Variants in LANCL3 observed in about 807,000 individuals in gnomAD.
LANCL3 encodes the protein LanC like family member 3, also known as lanC-like protein 3.
A neutral mutation model predicts 26.5 loss-of-function variants in LANCL3; 19 were observed. That is an observed-to-expected ratio of 0.72 (90% CI 0.50 to 1.05). LANCL3 has a LOEUF of 1.05. Among genes scored for constraint, LANCL3 ranks in the 50% least tolerant of loss-of-function variants. The probability of loss-of-function intolerance (pLI) is 0.00; values close to 1 mark genes in which losing one functional copy is unlikely to be tolerated. For missense variants in LANCL3, 318 were observed against 362.7 expected (o/e 0.88, Z 1.00); for synonymous variants, 160 against 166.6 (o/e 0.96, Z 0.30).
chrX:37,645,371 G>A (rs1265975801), intron 1 of LANCL3, among the ~76,000 whole-genome samples: 1 of 111,684 alleles, frequency 9.0e-6, no homozygotes, highest in Non-Finnish European at 1.9e-5. Context: ...GCATAATAAT[G>A]ATCAGGGAGC....
At chrX:37,660,898 T>C (rs1418729052) in intron 3 of LANCL3, among the ~76,000 whole-genome samples, 1 of 111,000 alleles carries the variant, frequency 9.0e-6, no homozygotes, top group African/African-American at 3.3e-5. Context: ...GGAAGGAAGT[T>C]CAAAATGTGT....
At chrX:37,633,908 TC>T (rs2086682675) in intron 1 of LANCL3, among the ~76,000 whole-genome samples, 1 of 112,138 alleles carries the variant, frequency 8.9e-6, no homozygotes, top group South Asian at 3.7e-4. Flanking sequence ...GGAGGCAGTC[TC>T]CCCATTCTCA....
intron 1 of LANCL3, among the ~76,000 whole-genome samples, chrX:37,587,881 C>T (rs1308640211): frequency 8.9e-6 from 1 of 112,278 alleles, no homozygotes; most frequent in African/African-American, 3.2e-5. Flanking sequence ...CCATCTTCTG[C>T]ATCTCTCACG....
In LANCL3 at chrX:37,634,538, C is replaced by T. The variant is rs181683533; in HGVS notation, c.574-21150C>T. ...GAAATCACCCATCTTCTGCGTCGCT[C>T]GCGCTGGGAGCTGTAGACCGGAGCT... On this transcript the variant is annotated intron_variant, in intron 1 of 4. Transcript: ENST00000378619. Among the ~76,000 whole-genome samples, 138 of 112,662 alleles carry T rather than the reference C, an allele frequency of 1.2e-3. 2 individuals carry two copies. The highest frequency in any genetic ancestry group is 4.0e-3 in the African/African-American group (124 of 31,017).
rs200339942 is a variant in LANCL3 at position 37,661,340 on chromosome X, C to A, written c.895+1681C>A. 4.5e-5 allele frequency among the ~76,000 whole-genome samples: 5 copies of A among 111,708 alleles called. No homozygotes were observed. In the East Asian group the frequency reaches 1.4e-3, roughly 31 times the overall value. Reference sequence around the variant, plus strand: ...ACCATCTGTCTTTGTAAATCATTTACCGTAACAGTGCAGCATAGGATTCAT... The same window carrying A: ...ACCATCTGTCTTTGTAAATCATTTAACGTAACAGTGCAGCATAGGATTCAT... On this transcript the variant is annotated intron_variant, in intron 3 of 4. Coordinates refer to ENST00000378619, the MANE Select transcript of LANCL3 (RefSeq NM_001170331.2).
intron 1 of LANCL3, among the ~76,000 whole-genome samples, chrX:37,624,165 G>T (rs1925246690): frequency 9.0e-6 from 1 of 111,484 alleles, no homozygotes; most frequent in Non-Finnish European, 1.9e-5. Context: ...TTCCAAAGAG[G>T]TAGCGCCTGT....
chrX:37,633,812 G>A (rs1925614513), intron 1 of LANCL3, among the ~76,000 whole-genome samples: 1 of 111,403 alleles, frequency 9.0e-6, no homozygotes. Flanking sequence ...AGGCGTACCC[G>A]GCCATGTGAG....
At chrX:37,582,886 T>A (rs1205472564) in intron 1 of LANCL3, among the ~76,000 whole-genome samples, 9 of 112,233 alleles carry the variant, frequency 8.0e-5, no homozygotes, top group African/African-American at 2.9e-4. Context: ...CATGAAGTCC[T>A]TGCCCATGCC....
rs1471833855 is a variant in LANCL3 at position 37,676,970 on chromosome X, A to C, written c.*1157A>C. On this transcript the variant is annotated 3_prime_UTR_variant, in exon 5 of 5. Coordinates refer to ENST00000378619, the MANE Select transcript of LANCL3 (RefSeq NM_001170331.2). ...GAAGTTGTGAAACTGCTTCAAGTAA[A>C]TAGTGGTTTGCAGAACACTGTAGGA... is the stretch of plus-strand genomic sequence containing the variant. 2 of 111,946 alleles carry C rather than the reference A, an allele frequency of 1.8e-5. No individual in the cohort carries two copies. Among genetic ancestry groups the C allele is most frequent in the Non-Finnish European group, 3.8e-5 (2 of 53,142 alleles). 9.2% of individuals were successfully genotyped at this position (111,946 alleles called of 1,213,427 possible). A position where few individuals can be genotyped will look rare whatever the true frequency, so the allele number is the denominator to read the frequency against.
At chrX:37,672,000 C>T (rs1556436292) in intron 4 of LANCL3, among the ~76,000 whole-genome samples, 1 of 111,293 alleles carries the variant, frequency 9.0e-6, no homozygotes, top group East Asian at 2.8e-4. Flanking sequence ...TGGGATTTCA[C>T]CTTTGGGCTA....
chrX:37,602,037 G>A (rs1294996444), intron 1 of LANCL3, among the ~76,000 whole-genome samples: 1 of 111,797 alleles, frequency 8.9e-6, no homozygotes, highest in South Asian at 3.7e-4. Flanking sequence ...AGAATGCAAT[G>A]ATCATTTCTA....
intron 1 of LANCL3, among the ~76,000 whole-genome samples, chrX:37,636,685 G>A (rs1925715468): frequency 9.0e-6 from 1 of 111,531 alleles, no homozygotes; most frequent in African/African-American, 3.3e-5. Flanking sequence ...TGTCCCTCAT[G>A]ATGTGGAGTG....
chrX:37,579,471 C>G (rs782518061), intron 1 of LANCL3, among the ~76,000 whole-genome samples: 5 of 111,345 alleles, frequency 4.5e-5, no homozygotes, highest in Non-Finnish European at 9.4e-5. Flanking sequence ...AGTAGATATG[C>G]TGGAAAAAGG....
In LANCL3 at chrX:37,572,457, C is replaced by T. The variant is rs782372217; in HGVS notation, c.573+14C>T. On this transcript the variant is annotated intron_variant, in intron 1 of 4. Coordinates refer to ENST00000378619, the MANE Select transcript of LANCL3 (RefSeq NM_001170331.2). ...CTCGCCCAGGAGGTAAGAGGTAGCCCGGGCCGCGGGAGGGCGCTCGCCGCC... is the reference window on the plus strand; with the variant it reads ...CTCGCCCAGGAGGTAAGAGGTAGCCTGGGCCGCGGGAGGGCGCTCGCCGCC... 29 of 1,158,930 alleles carry T rather than the reference C, an allele frequency of 2.5e-5. No homozygotes were observed. In the South Asian group the frequency reaches 4.8e-4, roughly 19 times the overall value.
At chrX:37,663,770 T>G (rs782384616) in intron 3 of LANCL3, among the ~76,000 whole-genome samples, 41 of 111,291 alleles carry the variant, frequency 3.7e-4, no homozygotes, top group Non-Finnish European at 7.6e-4. Context: ...CCCACCCACC[T>G]TCCTTTGATT....
At chrX:37,630,212 A>T (rs1481357496) in intron 1 of LANCL3, among the ~76,000 whole-genome samples, 1 of 111,050 alleles carries the variant, frequency 9.0e-6, no homozygotes, top group Admixed American at 9.6e-5. Context: ...CTTTGAAGCA[A>T]TTGTGAATGG....
intron 1 of LANCL3, among the ~76,000 whole-genome samples, chrX:37,632,493 A>T (rs1556424580): frequency 1.8e-5 from 2 of 110,727 alleles, no homozygotes; most frequent in Non-Finnish European, 3.8e-5. Flanking sequence ...TGATCCTGTC[A>T]TTGTGATGTT....
intron 3 of LANCL3, among the ~76,000 whole-genome samples, chrX:37,661,712 G>A (rs1219029188): frequency 8.9e-6 from 1 of 111,794 alleles, no homozygotes; most frequent in Non-Finnish European, 1.9e-5. Context: ...ATTTATTTAA[G>A]GAAAACATTT....
chrX:37,636,214 T>G (rs12014102), intron 1 of LANCL3, among the ~76,000 whole-genome samples: 9,412 of 111,980 alleles, frequency 0.084, 979 homozygotes, highest in African/African-American at 0.29. Flanking sequence ...CAGTCTACCA[T>G]TGATGGGCAT....
Sources: allele counts gnomAD v4.1 joint callset (sites outside exome capture counted in the v4.1 genomes callset), GRCh38; gene constraint gnomAD v4.1.1; transcripts MANE v1.5; gene names NCBI Gene and HGNC (gene_info 2026-07-23, HGNC 2026-07-21).